Variants in DOCK2 observed in about 807,000 individuals in gnomAD.
DOCK2 encodes dedicator of cytokinesis protein 2.
A neutral mutation model predicts 248.9 loss-of-function variants in DOCK2; 87 were observed. The ratio of observed to expected loss-of-function variants is 0.35; its 90% CI spans 0.29 to 0.42. DOCK2 has a LOEUF of 0.42. Ranked by LOEUF, DOCK2 falls within the 10% of genes least tolerant of loss-of-function variation. The probability of loss-of-function intolerance (pLI) is 1.00; values close to 1 mark genes in which losing one functional copy is unlikely to be tolerated. For missense variants in DOCK2, 1,747 were observed against 2,300.2 expected (o/e 0.76, Z 4.92); for synonymous variants, 805 against 821.6 (o/e 0.98, Z 0.35).
intron 26 of DOCK2, among the ~76,000 whole-genome samples, chr5:169,838,091 A>G (rs1367657249): frequency 1.3e-5 from 2 of 152,218 alleles, no homozygotes; most frequent in African/African-American, 4.8e-5. Context: ...ATAGCATTGA[A>G]GATTTTATAA....
intron 29 of DOCK2, among the ~76,000 whole-genome samples, chr5:169,995,595 A>G (rs1754589097): frequency 6.6e-6 from 1 of 152,272 alleles, no homozygotes; most frequent in Non-Finnish European, 1.5e-5. Context: ...AGTAAAAACG[A>G]CAGGCTGTGA....
At position 169,708,213 on chromosome 5, in the gene DOCK2, T is replaced by A; in HGVS notation, c.1428T>A (p.Tyr476Ter). Residue 476 changes from tyrosine to a stop codon, truncating the protein, a stop_gained, in exon 15 of 52, where the codon TAT (tyrosine) becomes TAA (stop). Coordinates refer to ENST00000520908, the MANE Select transcript of DOCK2 (RefSeq NM_004946.3). LOFTEE classifies it high-confidence loss of function. The part of the protein sequence containing the change: ...VGAGDKPMNE[Y>*]RSVVYYQVKQ... Reference sequence around the variant, plus strand: ...CAGGGGACAAGCCCATGAATGAGTATCGCTCCGTTGTGTACTATCAAGTCA... The same window carrying A: ...CAGGGGACAAGCCCATGAATGAGTAACGCTCCGTTGTGTACTATCAAGTCA... 1 of 1,614,004 alleles carries A rather than the reference T, an allele frequency of 6.2e-7. No homozygotes were observed. Among genetic ancestry groups the A allele is most frequent in the Non-Finnish European group, 8.5e-7 (1 of 1,179,964 alleles).
At position 170,077,832 on chromosome 5, in the gene DOCK2, A is replaced by C. The variant is rs746729047; in HGVS notation, c.4989A>C (p.Ser1663=). Reference sequence around the variant, plus strand: ...GCAGCACCCCCAGCAAGCCTACCTCAGAGAGGTCAGTCCCTGCACCCCAAG... The same window carrying C: ...GCAGCACCCCCAGCAAGCCTACCTCCGAGAGGTCAGTCCCTGCACCCCAAG... ...SDCSTPSKPT[S]ESFDLELASP... The change falls in exon 48 of 52, where the codon TCA becomes TCC. Residue 1663 remains serine (S), a synonymous_variant. Transcript: ENST00000520908. 1 of 1,612,732 alleles carries C rather than the reference A, an allele frequency of 6.2e-7. No homozygotes were observed. Among genetic ancestry groups the C allele is most frequent in the Non-Finnish European group, 8.5e-7 (1 of 1,179,824 alleles).
At chr5:169,672,226 T>A (rs534436970) in intron 5 of DOCK2, among the ~76,000 whole-genome samples, 2 of 152,258 alleles carry the variant, frequency 1.3e-5, no homozygotes, top group South Asian at 4.1e-4. Context: ...CAGGCTGGCC[T>A]TGAACTCCTG....
intron 20 of DOCK2, 21 bp from the exon 21 acceptor site, chr5:169,717,363 G>T: frequency 6.2e-7 from 1 of 1,607,980 alleles, no homozygotes; most frequent in Non-Finnish European, 8.5e-7. Context: ...TGAAAATACT[G>T]CTGCCTTGCA....
chr5:169,898,315 T>G (rs896879067), intron 27 of DOCK2, among the ~76,000 whole-genome samples: 1 of 152,222 alleles, frequency 6.6e-6, no homozygotes, highest in African/African-American at 2.4e-5. Context: ...ACCATGTGAT[T>G]GGTGCCTGCA....
chr5:169,986,886 A>G (rs1305745564), intron 29 of DOCK2, among the ~76,000 whole-genome samples: 3 of 152,260 alleles, frequency 2.0e-5, no homozygotes, highest in Admixed American at 2.0e-4. Context: ...ATTGTCTGGC[A>G]AAGATAGAAA....
At chr5:169,859,898 T>C (rs1386252614) in intron 27 of DOCK2, among the ~76,000 whole-genome samples, 1 of 152,186 alleles carries the variant, frequency 6.6e-6, no homozygotes, top group Non-Finnish European at 1.5e-5. Context: ...CATGTGCTCT[T>C]TTGAATCATG....
intron 22 of DOCK2, among the ~76,000 whole-genome samples, chr5:169,723,952 A>G (rs1561637961): frequency 6.6e-6 from 1 of 152,206 alleles, no homozygotes; most frequent in Non-Finnish European, 1.5e-5. Flanking sequence ...TAAGTATGAA[A>G]TTGGACACCA....
rs751485510 is a variant in DOCK2 at position 170,019,075 on chromosome 5, G to T, written c.3348G>T (p.Leu1116=). Residue 1116 remains leucine, a synonymous_variant, in exon 33 of 52, where the codon CTG becomes CTT. Coordinates refer to ENST00000520908, the MANE Select transcript of DOCK2 (RefSeq NM_004946.3). ...ATIPIFFDMM[L]CEYQRSGDFK... Reference sequence around the variant, plus strand: ...TACCAATCTTCTTCGACATGATGCTGTGTGAATATCAAAGAAGTGGGGATT... The same window carrying T: ...TACCAATCTTCTTCGACATGATGCTTTGTGAATATCAAAGAAGTGGGGATT... The T allele has an allele frequency of 1.9e-6, 3 of 1,614,074 alleles. No individual in the cohort carries two copies. Among genetic ancestry groups the T allele is most frequent in the Non-Finnish European group, 2.5e-6 (3 of 1,179,962 alleles).
At chr5:169,938,225 CT>C (rs573891252) in intron 27 of DOCK2, among the ~76,000 whole-genome samples, 907 of 142,892 alleles carry the variant, frequency 6.3e-3, no homozygotes, top group Non-Finnish European at 6.1e-3. Context: ...TTTCTTTCTT[CT>C]TTTTTTTTTT....
At position 170,049,555 on chromosome 5, in the gene DOCK2, T is replaced by C. The variant is rs188287667; in HGVS notation, c.4072-701T>C. ...TTTTAGGCAGTATGGGTGGCACAGATGTCTAGAGCAGAGTTTCTCAACCTC... is the reference window on the plus strand; with the variant it reads ...TTTTAGGCAGTATGGGTGGCACAGACGTCTAGAGCAGAGTTTCTCAACCTC... On this transcript the variant is annotated intron_variant, in intron 40 of 51. Transcript: ENST00000520908. 2.4e-3 allele frequency among the ~76,000 whole-genome samples: 371 copies of C among 152,344 alleles called. 13 individuals are homozygous for C. The South Asian group carries it at 0.049, about 20-fold the overall frequency.
At chr5:169,894,124 AT>A (rs1340811063) in intron 27 of DOCK2, among the ~76,000 whole-genome samples, 1 of 152,180 alleles carries the variant, frequency 6.6e-6, no homozygotes, top group Non-Finnish European at 1.5e-5. Context: ...TTTTCAAAGC[AT>A]TTTTAGATTT....
At chr5:169,663,370 TG>T (rs1458821491) in intron 2 of DOCK2, among the ~76,000 whole-genome samples, 3 of 152,212 alleles carry the variant, frequency 2.0e-5, no homozygotes, top group African/African-American at 4.8e-5. Context: ...TCTACAATTC[TG>T]GGGTCTGGAG....
chr5:169,970,293 T>A (rs1777453727), intron 27 of DOCK2, among the ~76,000 whole-genome samples: 1 of 152,234 alleles, frequency 6.6e-6, no homozygotes, highest in Admixed American at 6.5e-5. Flanking sequence ...GCTCAATGGC[T>A]TGTTCTGCCC....
At chr5:170,014,943 CAG>C in intron 32 of DOCK2, among the ~76,000 whole-genome samples, 1 of 152,250 alleles carries the variant, frequency 6.6e-6, no homozygotes, top group African/African-American at 2.4e-5. Flanking sequence ...TTCAATGAGA[CAG>C]AGAAGAGTGG....
intron 27 of DOCK2, among the ~76,000 whole-genome samples, chr5:169,978,390 TG>T (rs1253466480): frequency 0.026 from 425 of 16,576 alleles, 21 homozygotes; most frequent in African/African-American, 0.078. Context: ...TGTGTGTGTG[TG>T]TGGGGGGGGG....
chr5:169,952,136 A>G (rs989111366), intron 27 of DOCK2, among the ~76,000 whole-genome samples: 1 of 152,224 alleles, frequency 6.6e-6, no homozygotes, highest in African/African-American at 2.4e-5. Context: ...ACTGTGACTA[A>G]GAAAACAGAA....
chr5:169,765,102 A>ACACC lies in DOCK2; in HGVS notation c.2554+3478_2554+3479insACCC, dbSNP rs749426179. Among the ~76,000 whole-genome samples the ACACC allele has an allele frequency of 1.3e-4, 19 of 147,730 alleles. No individual in the cohort carries two copies. The East Asian group carries it at 1.8e-3, about 14-fold the overall frequency. ...CACACACACACACACACACACACAC[A>ACACC]CCCCACACACAGTTTTTTCCTTGTT... On this transcript the variant is annotated intron_variant, in intron 25 of 51. Transcript: ENST00000520908.
Sources: allele counts gnomAD v4.1 joint callset (sites outside exome capture counted in the v4.1 genomes callset), GRCh38; gene constraint gnomAD v4.1.1; transcripts MANE v1.5; gene names NCBI Gene and HGNC (gene_info 2026-07-23, HGNC 2026-07-21).